The following RET variants were observed in gnomAD, a reference collection of about 807,000 sequenced individuals.
RET encodes the protein ret proto-oncogene.
A neutral mutation model predicts 118.3 loss-of-function variants in RET; 19 were observed. The observed-to-expected ratio is 0.16, with a 90% CI of 0.11 to 0.24. The LOEUF (loss-of-function observed/expected upper bound fraction) is 0.24, where lower values mean the gene tolerates loss of function less well. Ranked by LOEUF, RET falls within the 10% of genes least tolerant of loss-of-function variation. RET has a pLI of 1.00. For synonymous variants in RET, 597 were observed against 644.1 expected, an observed-to-expected ratio of 0.93 and a Z score of 1.11; for missense variants, 1,219 against 1,502.1, an observed-to-expected ratio of 0.81 and a Z score of 3.12.
At chr10:43,119,853 C>G (rs1044263760) in intron 14 of RET, 108 bp downstream of exon 14, 6 of 1,337,690 alleles carry the variant, frequency 4.5e-6, no homozygotes, top group African/African-American at 2.9e-5. Flanking sequence ...CCATGCCACA[C>G]TCTAGCCCAC....
chr10:43,090,445 G>A (rs1275855006), intron 1 of RET, among the ~76,000 whole-genome samples: 1 of 152,094 alleles, frequency 6.6e-6, no homozygotes, highest in South Asian at 2.1e-4. Flanking sequence ...GGCCGCTTCT[G>A]GGCGCTGCCT....
At chr10:43,084,635 C>T (rs759934589) in intron 1 of RET, among the ~76,000 whole-genome samples, 3 of 152,238 alleles carry the variant, frequency 2.0e-5, no homozygotes, top group Non-Finnish European at 4.4e-5. Context: ...AGGGCCGTCA[C>T]TGTCAGTGAT....
rs376577600 is a variant in RET, at chr10:43,106,925, G to A, written c.1063+354G>A. 9.9e-5 allele frequency among the ~76,000 whole-genome samples: 15 copies of A among 152,278 alleles called. No homozygotes were observed. The highest frequency in any genetic ancestry group is 4.1e-4 in the South Asian group (2 of 4,824). Reference sequence around the variant, plus strand: ...GGCACTCCATCGTTGCCCCTAAGGCGTCCCAAGTGCTTACGGATTATTGCT... The same window carrying A: ...GGCACTCCATCGTTGCCCCTAAGGCATCCCAAGTGCTTACGGATTATTGCT... On this transcript the variant is annotated intron_variant, in intron 5 of 19. Coordinates refer to ENST00000355710, the MANE Select transcript of RET (RefSeq NM_020975.6). This position sits in a 1 kb window ranked among gnomAD's most constrained non-coding sequence, Gnocchi z 5.1.
Position 43,123,898 on chromosome 10 carries a change from G to T in RET, c.2939+90G>T, listed in dbSNP as rs1031145606. ...CTCCCCATCCAGAGCAGCCCCAGGA[G>T]AAACCAGGAGAAGTGGGGGGTGGGG... On this transcript the variant is annotated intron_variant, in intron 17 of 19. Transcript: ENST00000355710. 3 of 1,591,102 alleles carry T rather than the reference G, an allele frequency of 1.9e-6. No homozygotes were observed. The African/African-American group carries it at 4.0e-5, about 21-fold the overall frequency.
chr10:43,104,929 G>A (rs1439779904), intron 3 of RET, 23 bp from the exon 4 acceptor site: 1 of 1,550,278 alleles, frequency 6.5e-7, no homozygotes, highest in Non-Finnish European at 8.6e-7. Context: ...ATCACGCGGG[G>A]CCCCTGTCTG....
intron 1 of RET, among the ~76,000 whole-genome samples, chr10:43,085,611 C>T (rs1313307025): frequency 6.6e-6 from 1 of 152,188 alleles, no homozygotes; most frequent in Non-Finnish European, 1.5e-5. Flanking sequence ...AGGACCTCGG[C>T]TGAGAGGAGC....
At position 43,119,522 on chromosome 10, in the gene RET, C is replaced by A. The variant is rs567543719; in HGVS notation, c.2393-9C>A. The stretch of plus-strand genomic sequence containing the variant: ...CCGCACGCCCAGGGCCCCCTCTCTC[C>A]GCCCCCAGGCCCGCTCCTCCTCATC... On this transcript the variant is annotated splice_polypyrimidine_tract_variant and intron_variant, in intron 13 of 19. Transcript: ENST00000355710. 1 of 1,588,992 alleles carries A rather than the reference C, an allele frequency of 6.3e-7. No individual in the cohort carries two copies. The highest frequency in any genetic ancestry group is 8.5e-7 in the Non-Finnish European group (1 of 1,171,244).
In RET at chr10:43,120,130, G is replaced by A. The variant is rs373594744; in HGVS notation, c.2657G>A (p.Arg886Gln). 52 of 1,613,868 alleles carry A rather than the reference G, an allele frequency of 3.2e-5. No homozygotes were observed. Among genetic ancestry groups the A allele is most frequent in the Middle Eastern group, 3.3e-4 (2 of 6,002 alleles). ...AGAAACATCCTGGTAGCTGAGGGGC[G>A]GAAGATGAAGATTTCGGATTTCGGC... ...AARNILVAEG[R>Q]KMKISDFGLS... The change falls in exon 15 of 20, where the codon CGG (arginine) becomes CAG (glutamine). Residue 886 changes from arginine (R) to glutamine (Q), a missense_variant. This residue lies in a region of RET where 73 missense variants were observed against 156.5 expected (regional missense o/e 0.47). Coordinates refer to ENST00000355710, the MANE Select transcript of RET (RefSeq NM_020975.6).
At chr10:43,104,712 A>C (rs1837717999) in intron 3 of RET, 1 of 632,330 alleles carries the variant, frequency 1.6e-6, no homozygotes. Context: ...GTGAGGACGC[A>C]GCTGCAGCAG....
At chr10:43,077,611 A>G (rs868704252) in intron 1 of RET, among the ~76,000 whole-genome samples, 67 of 152,058 alleles carry the variant, frequency 4.4e-4, no homozygotes, top group African/African-American at 1.5e-3. Context: ...CCCTAGCCAT[A>G]GCCGCAGGTC....
chr10:43,120,746 A>G (rs1342545557), intron 15 of RET, among the ~76,000 whole-genome samples: 2 of 152,050 alleles, frequency 1.3e-5, no homozygotes, highest in African/African-American at 4.8e-5. Context: ...GGCAGTGGGC[A>G]CCCTTGGGGA....
intron 1 of RET, among the ~76,000 whole-genome samples, chr10:43,093,652 C>T (rs754076439): frequency 3.9e-5 from 6 of 152,088 alleles, no homozygotes; most frequent in East Asian, 1.9e-4. Context: ...AGCATCCCAG[C>T]GACGCTGGAC....
intron 12 of RET, among the ~76,000 whole-genome samples, chr10:43,117,685 C>G (rs753549913): frequency 1.3e-5 from 2 of 152,224 alleles, no homozygotes; most frequent in Non-Finnish European, 2.9e-5. Context: ...GGCAGGTGAT[C>G]CCTGTGGTGC....
At position 43,120,126 on chromosome 10, in the gene RET, G is replaced by T. The variant is rs201487882; in HGVS notation, c.2653G>T (p.Gly885Trp). 8 of 1,614,040 alleles carry T rather than the reference G, an allele frequency of 5.0e-6. No individual in the cohort carries two copies. The highest frequency in any genetic ancestry group is 6.8e-6 in the Non-Finnish European group (8 of 1,180,004). Residue 885 changes from glycine (G) to tryptophan (W), a missense_variant, in exon 15 of 20, where the codon GGG (glycine) becomes TGG (tryptophan). Gly to Trp is a radical substitution (Grantham distance 184). This residue lies in a region of RET where 73 missense variants were observed against 156.5 expected (regional missense o/e 0.47). Transcript: ENST00000355710. Reference sequence around the variant, plus strand: ...AGCCAGAAACATCCTGGTAGCTGAGGGGCGGAAGATGAAGATTTCGGATTT... The same window carrying T: ...AGCCAGAAACATCCTGGTAGCTGAGTGGCGGAAGATGAAGATTTCGGATTT... ...LAARNILVAE[G>W]RKMKISDFGL...
At position 43,114,413 on chromosome 10, in the gene RET, A is replaced by G; in HGVS notation, c.1880-67A>G. The G allele has an allele frequency of 6.3e-7, 1 of 1,592,542 alleles. No individual in the cohort carries two copies. The highest frequency in any genetic ancestry group is 8.5e-7 in the Non-Finnish European group (1 of 1,174,864). On this transcript the variant is annotated intron_variant, in intron 10 of 19. Coordinates refer to ENST00000355710, the MANE Select transcript of RET (RefSeq NM_020975.6). The surrounding 1 kb of genome is among the most constrained non-coding windows in gnomAD (Gnocchi z 4.6). ...GCTGGAGAGCCATGAGGCAGAGCAT[A>G]CGCAGCCTGTACCCAGTGGTGCCGA... is the stretch of plus-strand genomic sequence containing the variant.
intron 2 of RET, among the ~76,000 whole-genome samples, chr10:43,101,878 G>A (rs528659966): frequency 1.3e-5 from 2 of 152,246 alleles, no homozygotes; most frequent in Non-Finnish European, 2.9e-5. Flanking sequence ...CTGAGATGGA[G>A]GCTGGGAAAG....
intron 1 of RET, among the ~76,000 whole-genome samples, chr10:43,083,218 C>A (rs1837222221): frequency 6.6e-6 from 1 of 152,216 alleles, no homozygotes; most frequent in African/African-American, 2.4e-5. Context: ...GTTGTCTCTG[C>A]AGGAGACTCC....
chr10:43,089,259 G>A (rs984222400), intron 1 of RET, among the ~76,000 whole-genome samples: 50 of 152,166 alleles, frequency 3.3e-4, no homozygotes, highest in African/African-American at 1.1e-3. Context: ...CGTCCCTGCC[G>A]GGGTCAGGTG....
At chr10:43,108,577 C>A (rs1035325488) in intron 5 of RET, among the ~76,000 whole-genome samples, 1 of 152,150 alleles carries the variant, frequency 6.6e-6, no homozygotes, top group Non-Finnish European at 1.5e-5. Context: ...TCTGGTGTCC[C>A]TTGGCCAAGA....
Sources: allele counts gnomAD v4.1 joint callset (sites outside exome capture counted in the v4.1 genomes callset), GRCh38; gene constraint gnomAD v4.1.1; regional missense constraint gnomAD v4.1.1; non-coding constraint Gnocchi (gnomAD v3.1); transcripts MANE v1.5; gene names NCBI Gene and HGNC (gene_info 2026-07-23, HGNC 2026-07-21).